FGF10: variants seen among roughly 807,000 people sequenced by gnomAD.
FGF10 encodes fibroblast growth factor 10.
A neutral mutation model predicts 19.8 loss-of-function variants in FGF10; 2 were observed. The ratio of observed to expected loss-of-function variants is 0.10; its 90% CI spans 0.04 to 0.32. The LOEUF is 0.32. Ranked by LOEUF, FGF10 falls within the 10% of genes least tolerant of loss-of-function variation. The probability of loss-of-function intolerance (pLI) is 1.00; values close to 1 mark genes in which losing one functional copy is unlikely to be tolerated. For synonymous variants in FGF10, 112 were observed against 94.0 expected (o/e 1.19, Z -1.10); for missense variants, 191 against 246.3 (o/e 0.78, Z 1.50).
intron 1 of FGF10, among the ~76,000 whole-genome samples, chr5:44,348,169 T>A (rs1045933434): frequency 6.6e-6 from 1 of 151,624 alleles, no homozygotes; most frequent in African/African-American, 2.4e-5. Context: ...ACTTGCAACT[T>A]TTTTTTAAAA....
intron 1 of FGF10, among the ~76,000 whole-genome samples, chr5:44,362,737 T>C (rs1409328048): frequency 6.6e-6 from 1 of 151,664 alleles, no homozygotes; most frequent in Admixed American, 6.6e-5. Flanking sequence ...AGATATCCTA[T>C]ATATCCTTTA....
chr5:44,312,504 G>A (rs1199613441), intron 1 of FGF10, among the ~76,000 whole-genome samples: 3 of 152,038 alleles, frequency 2.0e-5, no homozygotes, highest in Admixed American at 1.3e-4. Flanking sequence ...CAAACCATCT[G>A]ACAAAATGAC....
chr5:44,312,032 A>G (rs1260121558), intron 1 of FGF10, among the ~76,000 whole-genome samples: 1 of 152,060 alleles, frequency 6.6e-6, no homozygotes, highest in Non-Finnish European at 1.5e-5. Flanking sequence ...CTGTCCATGT[A>G]TCTGTAGGAA....
chr5:44,349,396 C>T (rs1339853230), intron 1 of FGF10, among the ~76,000 whole-genome samples: 1 of 109,816 alleles, frequency 9.1e-6, no homozygotes, highest in Non-Finnish European at 1.8e-5. Flanking sequence ...ATAATTCTTG[C>T]CTAAGAAAAT....
chr5:44,304,857 C>T lies in FGF10; in HGVS notation c.*138G>A. The T allele has an allele frequency of 4.9e-6, 4 of 823,586 alleles. 1 individual carries two copies. The highest frequency in any genetic ancestry group is 4.4e-5 in the South Asian group (3 of 68,690). The allele number at this position is 823,586 out of a possible 1,614,324, so 51.0% of individuals were successfully genotyped here. A position where few individuals can be genotyped will look rare whatever the true frequency, so the allele number is the denominator to read the frequency against. On this transcript the variant is annotated 3_prime_UTR_variant, in exon 3 of 3. Coordinates refer to ENST00000264664, the MANE Select transcript of FGF10 (RefSeq NM_004465.2). Reference sequence around the variant, plus strand: ...TGTCAGCAGTGAATACAAAAACCTTCAAAGGCTGGCTTTCTTTTAAGCAAG... The same window carrying T: ...TGTCAGCAGTGAATACAAAAACCTTTAAAGGCTGGCTTTCTTTTAAGCAAG...
chr5:44,344,001 G>A (rs969634981), intron 1 of FGF10, among the ~76,000 whole-genome samples: 9 of 151,938 alleles, frequency 5.9e-5, no homozygotes, highest in African/African-American at 2.2e-4. Context: ...TAACAACCCA[G>A]GAAAGTAAAA....
At chr5:44,337,433 A>G (rs1183538932) in intron 1 of FGF10, among the ~76,000 whole-genome samples, 1 of 152,192 alleles carries the variant, frequency 6.6e-6, no homozygotes, top group Non-Finnish European at 1.5e-5. Context: ...GTAACATTAA[A>G]CAAAAATTAG....
chr5:44,326,648 A>G (rs1740621719), intron 1 of FGF10, among the ~76,000 whole-genome samples: 2 of 151,578 alleles, frequency 1.3e-5, no homozygotes, highest in South Asian at 4.2e-4. Context: ...GGATCAAGCA[A>G]TCCTCCCATC....
intron 1 of FGF10, among the ~76,000 whole-genome samples, chr5:44,373,033 T>C (rs1741777191): frequency 1.3e-5 from 2 of 152,212 alleles, no homozygotes; most frequent in African/African-American, 4.8e-5. Context: ...CTGTAGAATT[T>C]TGGGAGTCTG....
At chr5:44,329,775 C>G (rs1740689919) in intron 1 of FGF10, among the ~76,000 whole-genome samples, 1 of 152,178 alleles carries the variant, frequency 6.6e-6, no homozygotes, top group South Asian at 2.1e-4. Context: ...AGCTAAAGCT[C>G]CCAACCCTTA....
chr5:44,328,623 A>G (rs918022821), intron 1 of FGF10, among the ~76,000 whole-genome samples: 1 of 152,118 alleles, frequency 6.6e-6, no homozygotes, highest in African/African-American at 2.4e-5. Flanking sequence ...TTAGCTGGGC[A>G]TGGTGATGCA....
chr5:44,379,480 C>T (rs1741940326), intron 1 of FGF10, among the ~76,000 whole-genome samples: 1 of 152,180 alleles, frequency 6.6e-6, no homozygotes, highest in Non-Finnish European at 1.5e-5. Context: ...TCGCAGTTTG[C>T]CTACAGGTCT....
At chr5:44,305,227 G>A (rs765396280) in intron 2 of FGF10, 35 bp from the exon 3 acceptor site, 2 of 1,582,036 alleles carry the variant, frequency 1.3e-6, no homozygotes, top group Admixed American at 1.7e-5. Flanking sequence ...TATTCCTATG[G>A]TGATTGTACT....
intron 1 of FGF10, among the ~76,000 whole-genome samples, chr5:44,360,292 T>C (rs1741450418): frequency 6.6e-6 from 1 of 151,670 alleles, no homozygotes; most frequent in East Asian, 1.9e-4. Flanking sequence ...AAAGTAGTTT[T>C]AAAGGGCAAA....
chr5:44,357,108 A>C (rs957052015), intron 1 of FGF10, among the ~76,000 whole-genome samples: 1 of 97,646 alleles, frequency 1.0e-5, no homozygotes, highest in Non-Finnish European at 2.3e-5. Context: ...CCAATTTCCT[A>C]AGATTTTCAT....
At chr5:44,365,599 T>A (rs945936189) in intron 1 of FGF10, among the ~76,000 whole-genome samples, 3 of 151,990 alleles carry the variant, frequency 2.0e-5, no homozygotes, top group Non-Finnish European at 4.4e-5. Context: ...TTCAATCTTA[T>A]GACTCTACGC....
intron 1 of FGF10, among the ~76,000 whole-genome samples, chr5:44,352,227 G>T (rs114049078): frequency 3.3e-5 from 5 of 151,530 alleles, no homozygotes. Context: ...AGGGACTTTC[G>T]ATGCAATTCT....
chr5:44,309,779 C>A (rs1649072697), intron 2 of FGF10, among the ~76,000 whole-genome samples: 1 of 151,996 alleles, frequency 6.6e-6, no homozygotes, highest in Non-Finnish European at 1.5e-5. Flanking sequence ...AAGTGGTATT[C>A]CAAATACTTA....
chr5:44,378,952 A>T (rs1561220540), intron 1 of FGF10, among the ~76,000 whole-genome samples: 4 of 152,128 alleles, frequency 2.6e-5, no homozygotes, highest in Non-Finnish European at 4.4e-5. Context: ...GTGTGTGTCA[A>T]TTCAGATTTC....
Sources: allele counts gnomAD v4.1 joint callset (sites outside exome capture counted in the v4.1 genomes callset), GRCh38; gene constraint gnomAD v4.1.1; transcripts MANE v1.5; gene names NCBI Gene and HGNC (gene_info 2026-07-23, HGNC 2026-07-21).